CDH22: variants seen among roughly 807,000 people sequenced by gnomAD.
CDH22 encodes the protein cadherin 22.
Under a neutral mutation model 58.4 loss-of-function variants are expected in CDH22, and 30 were observed. The ratio of observed to expected loss-of-function variants is 0.51; its 90% confidence interval spans 0.38 to 0.70. The LOEUF (loss-of-function observed/expected upper bound fraction) is 0.70, where lower values mean the gene tolerates loss of function less well. CDH22 is among the 30% of genes least tolerant of loss of function. The probability of loss-of-function intolerance (pLI) is 0.00; values close to 1 mark genes in which losing one functional copy is unlikely to be tolerated. For missense variants in CDH22, 1,014 were observed against 1,233.9 expected, an observed-to-expected ratio of 0.82 and a Z score of 2.67; for synonymous variants, 513 against 558.2, an observed-to-expected ratio of 0.92 and a Z score of 1.14.
At chr20:46,179,096 C>T (rs2085765515) in intron 10 of CDH22, among the ~76,000 whole-genome samples, 1 of 152,262 alleles carries the variant, frequency 6.6e-6, no homozygotes, top group African/African-American at 2.4e-5. Flanking sequence ...CCCTTTCTGC[C>T]TCCTTCACAC....
chr20:46,176,822 G>A (rs941121807), intron 11 of CDH22, among the ~76,000 whole-genome samples: 1 of 152,368 alleles, frequency 6.6e-6, no homozygotes, highest in Middle Eastern at 3.4e-3. Context: ...GGATGCCCGC[G>A]GGAGCAGATG....
At chr20:46,292,564 T>C (rs909249978) in intron 1 of CDH22, among the ~76,000 whole-genome samples, 4 of 152,160 alleles carry the variant, frequency 2.6e-5, no homozygotes, top group African/African-American at 9.7e-5. Context: ...CAAATTAGGG[T>C]ATCCGGTGTC....
At chr20:46,266,152 G>C (rs529779786) in intron 1 of CDH22, among the ~76,000 whole-genome samples, 1 of 152,274 alleles carries the variant, frequency 6.6e-6, no homozygotes, top group East Asian at 1.9e-4. Context: ...GCAGAGACTG[G>C]GGGAATGGTA....
At chr20:46,266,403 G>T (rs1459414209) in intron 1 of CDH22, among the ~76,000 whole-genome samples, 1 of 152,182 alleles carries the variant, frequency 6.6e-6, no homozygotes, top group African/African-American at 2.4e-5. Context: ...CACCCGTCCT[G>T]TGCCTAGCAT....
intron 8 of CDH22, 82 bp from the exon 9 acceptor site, chr20:46,187,029 T>A: frequency 7.1e-7 from 1 of 1,408,842 alleles, no homozygotes; most frequent in Non-Finnish European, 9.5e-7. Context: ...AGGACAATAG[T>A]AGGCAGTGGG....
At chr20:46,301,890 G>A (rs1456526280) in intron 1 of CDH22, among the ~76,000 whole-genome samples, 1 of 152,202 alleles carries the variant, frequency 6.6e-6, no homozygotes. Context: ...ACGAAAGAAT[G>A]AGGCTGGTGA....
intron 10 of CDH22, among the ~76,000 whole-genome samples, chr20:46,185,081 G>A (rs976949372): frequency 2.1e-5 from 2 of 94,058 alleles, no homozygotes; most frequent in African/African-American, 8.3e-5. Flanking sequence ...ATGAGATGCT[G>A]TCTCAAACAA....
intron 3 of CDH22, among the ~76,000 whole-genome samples, chr20:46,228,538 G>A (rs2145712739): frequency 6.6e-6 from 1 of 151,224 alleles, no homozygotes; most frequent in Non-Finnish European, 1.5e-5. Flanking sequence ...CTTGGGACGT[G>A]AGGCTAGACC....
chr20:46,296,440 C>T (rs530230866), intron 1 of CDH22, among the ~76,000 whole-genome samples: 1 of 152,306 alleles, frequency 6.6e-6, no homozygotes, highest in African/African-American at 2.4e-5. Context: ...GGATTGGTGC[C>T]CAGATCTGCC....
intron 1 of CDH22, among the ~76,000 whole-genome samples, chr20:46,263,553 C>T (rs895549496): frequency 1.3e-5 from 2 of 152,078 alleles, no homozygotes; most frequent in Admixed American, 6.6e-5. Flanking sequence ...GGAGCCCCCA[C>T]ATTTATAGGG....
At chr20:46,188,256 A>G (rs1312419979) in intron 8 of CDH22, among the ~76,000 whole-genome samples, 1 of 152,210 alleles carries the variant, frequency 6.6e-6, no homozygotes, top group African/African-American at 2.4e-5. Flanking sequence ...CACACCTGGA[A>G]AATGAACAGA....
At chr20:46,286,396 C>T (rs936587086) in intron 1 of CDH22, among the ~76,000 whole-genome samples, 11 of 152,142 alleles carry the variant, frequency 7.2e-5, no homozygotes, top group African/African-American at 1.9e-4. Flanking sequence ...ACCCCATTAG[C>T]GCTGCTTTAA....
chr20:46,214,325 AG>A (rs933985869), intron 5 of CDH22, among the ~76,000 whole-genome samples: 1 of 152,172 alleles, frequency 6.6e-6, no homozygotes, highest in African/African-American at 2.4e-5. Context: ...TAGCTGAAGC[AG>A]GGTCTGTGGG....
intron 1 of CDH22, among the ~76,000 whole-genome samples, chr20:46,283,288 T>A (rs559023062): frequency 6.6e-6 from 1 of 152,184 alleles, no homozygotes; most frequent in South Asian, 2.1e-4. Flanking sequence ...GGAGTCTGAG[T>A]AGAGTGGACA....
chr20:46,215,125 A>G (rs1044133063), intron 5 of CDH22, among the ~76,000 whole-genome samples: 7 of 152,242 alleles, frequency 4.6e-5, no homozygotes, highest in African/African-American at 1.7e-4. Flanking sequence ...GTAAAGCTAA[A>G]GATGAGTACA....
intron 1 of CDH22, among the ~76,000 whole-genome samples, chr20:46,260,731 T>G (rs558164015): frequency 6.6e-6 from 1 of 152,376 alleles, no homozygotes; most frequent in South Asian, 2.1e-4. Context: ...TTCTCAATGC[T>G]CTGGCAACAT....
At chr20:46,266,819 G>A (rs2086462332) in intron 1 of CDH22, among the ~76,000 whole-genome samples, 1 of 152,116 alleles carries the variant, frequency 6.6e-6, no homozygotes. Flanking sequence ...TGTATAGCAA[G>A]GTGAGGCTTG....
chr20:46,249,809 C>T (rs150121575), intron 2 of CDH22, among the ~76,000 whole-genome samples: 5 of 152,338 alleles, frequency 3.3e-5, no homozygotes, highest in African/African-American at 1.2e-4. Context: ...AGGCTCTGAG[C>T]AAACCAGCTA....
chr20:46,250,900 C>A (rs992223109), intron 2 of CDH22, 140 bp downstream of exon 2: 1 of 572,880 alleles, frequency 1.7e-6, no homozygotes, highest in Non-Finnish European at 3.1e-6. Context: ...TCTGGGCCCC[C>A]TTATCAGTCC....
Sources: gnomAD v4.1 joint callset for allele counts (sites outside exome capture counted in the v4.1 genomes callset) on GRCh38, gnomAD v4.1.1 for gene constraint, MANE v1.5 for transcripts, NCBI Gene and HGNC (gene_info 2026-07-23, HGNC 2026-07-21) for gene names.